Variants in ZYG11B observed in about 807,000 individuals in gnomAD.
ZYG11B encodes zyg-11 family member B, cell cycle regulator.
In ZYG11B, 36 loss-of-function variants were observed where a neutral mutation model predicts 82.4. The observed-to-expected ratio is 0.44, with a 90% CI of 0.33 to 0.58. ZYG11B has a LOEUF of 0.58. ZYG11B is among the 20% of genes least tolerant of loss of function. The probability of loss-of-function intolerance (pLI) is 0.02; values close to 1 mark genes in which losing one functional copy is unlikely to be tolerated. For missense variants in ZYG11B, 552 were observed against 895.6 expected, an observed-to-expected ratio of 0.62 and a Z score of 4.90; for synonymous variants, 303 against 312.8, an observed-to-expected ratio of 0.97 and a Z score of 0.33.
chr1:52,811,111 T>C (rs1342114627), intron 10 of ZYG11B, among the ~76,000 whole-genome samples: 9 of 152,170 alleles, frequency 5.9e-5, no homozygotes, highest in Non-Finnish European at 1.3e-4. Context: ...CTTACATTTA[T>C]TATCCTATAG....
chr1:52,796,616 C>T, intron 7 of ZYG11B, 118 bp from the exon 8 acceptor site: 1 of 966,430 alleles, frequency 1.0e-6, no homozygotes, highest in East Asian at 2.7e-5. Flanking sequence ...CGATATGCAG[C>T]AGAATTCCAA....
chr1:52,762,614 C>G (rs1440324342), intron 2 of ZYG11B, among the ~76,000 whole-genome samples: 1 of 151,702 alleles, frequency 6.6e-6, no homozygotes, highest in African/African-American at 2.4e-5. Context: ...AAGTTTTGCT[C>G]TTGTCACCCA....
chr1:52,774,685 C>T (rs1261010246), intron 3 of ZYG11B, among the ~76,000 whole-genome samples: 2 of 145,024 alleles, frequency 1.4e-5, no homozygotes, highest in East Asian at 4.2e-4. Context: ...CCACCTTGGC[C>T]TCCTAGTTTT....
In ZYG11B at chr1:52,755,464, G is replaced by T. The variant is rs191192608; in HGVS notation, c.31-994G>T. On this transcript the variant is annotated intron_variant, in intron 1 of 13. Coordinates refer to ENST00000294353, the MANE Select transcript of ZYG11B (RefSeq NM_024646.3). ...TCCAAGATCGTTTTGGCTATTCTAG[G>T]TGTTGCATTTCCATATGAATCTTAG... Among the ~76,000 whole-genome samples the T allele has an allele frequency of 3.6e-4, 54 of 152,086 alleles. 1 individual carries two copies. The highest frequency in any genetic ancestry group is 1.4e-3 in the Admixed American group (22 of 15,278).
intron 1 of ZYG11B, among the ~76,000 whole-genome samples, chr1:52,740,565 C>CTTTTTTTTTT (rs57309331): frequency 8.0e-6 from 1 of 124,974 alleles, no homozygotes; most frequent in African/African-American, 3.1e-5. Flanking sequence ...GTACTACCTT[C>CTTTTTTTTTT]TTTTTTTTTT....
intron 2 of ZYG11B, among the ~76,000 whole-genome samples, chr1:52,766,993 C>T (rs1369822364): frequency 7.7e-5 from 11 of 142,732 alleles, no homozygotes; most frequent in East Asian, 6.2e-4. Flanking sequence ...GGGTGAAAAG[C>T]GAGACTCCGT....
At chr1:52,797,423 C>CATATATATTATATATCATATATTATAT (rs1558137812) in intron 8 of ZYG11B, among the ~76,000 whole-genome samples, 1 of 91,836 alleles carries the variant, frequency 1.1e-5, no homozygotes, top group Non-Finnish European at 2.0e-5. Context: ...ATATATTATA[C>CATATATATTATATATCATATATTATAT]ATATTATATA....
intron 1 of ZYG11B, among the ~76,000 whole-genome samples, chr1:52,755,012 G>A (rs1571752927): frequency 6.9e-6 from 1 of 143,972 alleles, no homozygotes; most frequent in Non-Finnish European, 1.5e-5. Flanking sequence ...AGGCTGTGGA[G>A]TGCAGTGACA....
At chr1:52,738,985 CT>C (rs10643364) in intron 1 of ZYG11B, among the ~76,000 whole-genome samples, 130 of 106,166 alleles carry the variant, frequency 1.2e-3, no homozygotes, top group Middle Eastern at 6.3e-3. Flanking sequence ...GCCCTGTAAC[CT>C]TTTTTTTTTT....
At chr1:52,748,448 C>T (rs72893465) in intron 1 of ZYG11B, among the ~76,000 whole-genome samples, 88 of 152,348 alleles carry the variant, frequency 5.8e-4, no homozygotes, top group African/African-American at 2.1e-3. Flanking sequence ...ACACAGTTGT[C>T]ATTCAGTACA....
At chr1:52,778,107 T>C (rs1307700692) in intron 3 of ZYG11B, among the ~76,000 whole-genome samples, 1 of 152,232 alleles carries the variant, frequency 6.6e-6, no homozygotes, top group South Asian at 2.1e-4. Flanking sequence ...TTCATTTCTT[T>C]ATAATTTTAT....
chr1:52,733,421 C>T (rs913620512), intron 1 of ZYG11B, among the ~76,000 whole-genome samples: 5 of 152,046 alleles, frequency 3.3e-5, no homozygotes, highest in Admixed American at 6.6e-5. Flanking sequence ...CATCTATAAT[C>T]CCAACACTTT....
intron 1 of ZYG11B, among the ~76,000 whole-genome samples, chr1:52,748,536 A>G (rs1644494430): frequency 6.6e-6 from 1 of 152,358 alleles, no homozygotes; most frequent in Admixed American, 6.5e-5. Context: ...AAATTAGGAA[A>G]GACATCACAG....
At position 52,771,553 on chromosome 1, in the gene ZYG11B, A is replaced by G; in HGVS notation, c.730A>G (p.Ile244Val). ...ACTCAAACATCTGAATCATCTTGAT[A>G]TCTCAGATGATAAACAGTTTACATC... Reference protein sequence around the residue: ...RELKHLNHLDISDDKQFTSDI... With the variant: ...RELKHLNHLDVSDDKQFTSDI... The change falls in exon 3 of 14, where the codon ATC becomes GTC. Residue 244 changes from isoleucine (I) to valine (V), a missense_variant. By Grantham distance (29) the Ile-to-Val change is conservative. Transcript: ENST00000294353. This position sits in a 1 kb window ranked among gnomAD's most constrained non-coding sequence, Gnocchi z 5.4. 7 of 1,614,066 alleles carry G rather than the reference A, an allele frequency of 4.3e-6. No individual in the cohort carries two copies. Among genetic ancestry groups the G allele is most frequent in the Non-Finnish European group, 5.1e-6 (6 of 1,179,880 alleles).
At chr1:52,764,691 CAT>C (rs1344259800) in intron 2 of ZYG11B, among the ~76,000 whole-genome samples, 2 of 152,102 alleles carry the variant, frequency 1.3e-5, no homozygotes, top group African/African-American at 2.4e-5. Context: ...AGGAAGTAAA[CAT>C]ATAGAATTAC....
chr1:52,762,980 G>A (rs79094208), intron 2 of ZYG11B, among the ~76,000 whole-genome samples: 14 of 142,442 alleles, frequency 9.8e-5, no homozygotes, highest in East Asian at 2.3e-4. Flanking sequence ...AGAGATTGGG[G>A]GGGGGGGGTC....
At chr1:52,735,563 GTCTC>G (rs1372283328) in intron 1 of ZYG11B, among the ~76,000 whole-genome samples, 1 of 151,432 alleles carries the variant, frequency 6.6e-6, no homozygotes, top group African/African-American at 2.4e-5. Flanking sequence ...TTGAGACAGA[GTCTC>G]TCTCTGCCAC....
Position 52,796,778 on chromosome 1 carries a change from T to C in ZYG11B, c.1479T>C (p.Ile493=). ...QTAQLGTELF[I]VRQLLQIVKQ... is the part of the protein sequence containing the mutation. ...CACAGCTTGGTACTGAGCTCTTCAT[T>C]GTCAGGGTAAGTCTATAATCTCCTC... is the stretch of plus-strand genomic sequence containing the variant. Residue 493 remains isoleucine (I), a synonymous_variant, in exon 8 of 14, where the codon ATT becomes ATC. Coordinates refer to ENST00000294353, the MANE Select transcript of ZYG11B (RefSeq NM_024646.3). 6.4e-7 allele frequency: 1 copy of C among 1,565,218 alleles called. No homozygotes were observed.
rs1206679076 is a variant in ZYG11B, at chr1:52,822,775, CAG to C, written c.*1148_*1149del. 1 of 152,138 alleles carries C rather than the reference CAG, an allele frequency of 6.6e-6. No individual in the cohort carries two copies. The highest frequency in any genetic ancestry group is 1.5e-5 in the Non-Finnish European group (1 of 68,030). 9.4% of individuals were successfully genotyped at this position (152,138 alleles called of 1,614,324 possible). On this transcript the variant is annotated 3_prime_UTR_variant, in exon 14 of 14. Coordinates refer to ENST00000294353, the MANE Select transcript of ZYG11B (RefSeq NM_024646.3). ...AGTGCATAACAGCACATATTTTTGA[CAG>C]ATTATTTTTTAGGCAATTACCTTTC...
Sources: allele counts gnomAD v4.1 joint callset (sites outside exome capture counted in the v4.1 genomes callset), GRCh38; gene constraint gnomAD v4.1.1; non-coding constraint Gnocchi (gnomAD v3.1); transcripts MANE v1.5; gene names NCBI Gene and HGNC (gene_info 2026-07-23, HGNC 2026-07-21).